PRSS12: variants seen among roughly 807,000 people sequenced by gnomAD.
PRSS12 encodes the protein serine protease 12, also known as neurotrypsin.
Under a neutral mutation model 104.4 loss-of-function variants are expected in PRSS12, and 85 were observed. The observed-to-expected ratio is 0.81, with a 90% confidence interval of 0.68 to 0.98. PRSS12 has a LOEUF of 0.98. Ranked by LOEUF, PRSS12 falls within the 50% of genes least tolerant of loss-of-function variation. PRSS12 has a pLI of 0.00. For missense variants in PRSS12, 1,141 were observed against 1,139.2 expected (o/e 1.00, Z -0.02); for synonymous variants, 454 against 425.2 (o/e 1.07, Z -0.83).
In PRSS12 at chr4:118,280,401, A is replaced by G. The variant is rs1291692361; in HGVS notation, c.*1535T>C. ...GTTTATCAAAATCATGAGTTTTTAC[A>G]AAAGTTTTTAATGCTCTTCTGCATT... On this transcript the variant is annotated 3_prime_UTR_variant, in exon 13 of 13. Coordinates refer to ENST00000296498, the MANE Select transcript of PRSS12 (RefSeq NM_003619.4). 1 of 152,268 alleles carries G rather than the reference A, an allele frequency of 6.6e-6. No homozygotes were observed. The highest frequency in any genetic ancestry group is 6.5e-5 in the Admixed American group (1 of 15,288). 9.4% of individuals were successfully genotyped at this position (152,268 alleles called of 1,614,324 possible). A position where few individuals can be genotyped will look rare whatever the true frequency, so the allele number is the denominator to read the frequency against.
chr4:118,313,212 C>T lies in PRSS12; in HGVS notation c.1478G>A (p.Arg493Lys). Residue 493 changes from arginine (R) to lysine (K), a missense_variant, in exon 7 of 13, where the codon AGG becomes AAG. Arg to Lys is a conservative substitution (Grantham distance 26). Transcript: ENST00000296498. ...CAGCCAGTCCTCACCCAGAGAGAGC[C>T]TGTGTCCCTCGCCGCCAGGGTAGCA... ...IACYPGGEGH[R>K]LSLGFPVRLM... The T allele has an allele frequency of 1.9e-6, 3 of 1,613,396 alleles. No homozygotes were observed. The highest frequency in any genetic ancestry group is 2.5e-6 in the Non-Finnish European group (3 of 1,179,882).
chr4:118,335,245 T>C (rs574567984), intron 3 of PRSS12, among the ~76,000 whole-genome samples: 1 of 152,042 alleles, frequency 6.6e-6, no homozygotes, highest in Non-Finnish European at 1.5e-5. Context: ...GCAAATTATA[T>C]AAAATAGAAA....
At chr4:118,315,874 G>GT in intron 6 of PRSS12, among the ~76,000 whole-genome samples, 1 of 152,306 alleles carries the variant, frequency 6.6e-6, no homozygotes, top group South Asian at 2.1e-4. Flanking sequence ...GTAATGACGT[G>GT]TCAGAATAAA....
At chr4:118,348,762 C>T (rs1724417870) in intron 1 of PRSS12, among the ~76,000 whole-genome samples, 1 of 152,030 alleles carries the variant, frequency 6.6e-6, no homozygotes, top group Non-Finnish European at 1.5e-5. Context: ...AGCGATTCTC[C>T]TGCTTCAGCC....
At chr4:118,351,952 G>A (rs1413167659) in intron 1 of PRSS12, among the ~76,000 whole-genome samples, 1 of 152,038 alleles carries the variant, frequency 6.6e-6, no homozygotes, top group South Asian at 2.1e-4. Context: ...CCAGAGGACA[G>A]AGCAAATTCA....
chr4:118,342,022 T>C (rs968503119), intron 1 of PRSS12, among the ~76,000 whole-genome samples: 2 of 152,152 alleles, frequency 1.3e-5, no homozygotes, highest in Non-Finnish European at 2.9e-5. Flanking sequence ...CTTTACACCG[T>C]GGAACAGGAG....
intron 12 of PRSS12, 139 bp from the exon 13 acceptor site, chr4:118,282,382 G>C: frequency 2.7e-6 from 3 of 1,109,418 alleles, no homozygotes; most frequent in Non-Finnish European, 4.0e-6. Context: ...TGACTAACTG[G>C]TATGTACTAT....
intron 5 of PRSS12, among the ~76,000 whole-genome samples, chr4:118,318,043 GATGA>G (rs777593409): frequency 6.6e-6 from 1 of 152,190 alleles, no homozygotes; most frequent in African/African-American, 2.4e-5. Flanking sequence ...AACGTTAATA[GATGA>G]ATGGACTAAA....
intron 3 of PRSS12, 146 bp downstream of exon 3, chr4:118,335,327 A>G (rs775629556): frequency 2.6e-5 from 23 of 893,246 alleles, no homozygotes; most frequent in Non-Finnish European, 3.5e-5. Flanking sequence ...TTGAAGACTA[A>G]TTAGATGGTA....
intron 4 of PRSS12, among the ~76,000 whole-genome samples, chr4:118,324,766 G>A (rs76938721): frequency 0.12 from 17,607 of 151,978 alleles, 1,498 homozygotes; most frequent in South Asian, 0.2. Context: ...AGGCTGGAGT[G>A]CAGTGGCACA....
intron 1 of PRSS12, among the ~76,000 whole-genome samples, chr4:118,346,702 G>C (rs146377769): frequency 6.6e-6 from 1 of 152,034 alleles, no homozygotes; most frequent in African/African-American, 2.4e-5. Context: ...ACTCCCCATC[G>C]CTCACATTAC....
At chr4:118,315,471 A>C (rs1286384212) in intron 6 of PRSS12, among the ~76,000 whole-genome samples, 1 of 152,160 alleles carries the variant, frequency 6.6e-6, no homozygotes, top group Non-Finnish European at 1.5e-5. Flanking sequence ...AAAATGAAAC[A>C]ATTTTGCCAG....
In PRSS12 at chr4:118,352,395, C is replaced by A; in HGVS notation, c.326G>T (p.Cys109Phe). 6.5e-7 allele frequency: 1 copy of A among 1,543,420 alleles called. No homozygotes were observed. The highest frequency in any genetic ancestry group is 8.7e-7 in the Non-Finnish European group (1 of 1,149,564). ...WVSVTDFGAP[C>F]LRWAEVPPFL... Reference sequence around the variant, plus strand: ...GGGTGGCACCTCCGCCCACCGCAGACACGGGGCGCCGAAGTCCGTCACGCT... The same window carrying A: ...GGGTGGCACCTCCGCCCACCGCAGAAACGGGGCGCCGAAGTCCGTCACGCT... Residue 109 changes from cysteine to phenylalanine, a missense_variant, in exon 1 of 13, where the codon TGT becomes TTT. Physicochemically the swap from Cys to Phe is radical, Grantham distance 205. Transcript: ENST00000296498.
intron 8 of PRSS12, among the ~76,000 whole-genome samples, chr4:118,302,959 A>G (rs1171849594): frequency 1.3e-5 from 2 of 152,220 alleles, no homozygotes; most frequent in Non-Finnish European, 2.9e-5. Context: ...TGAAGACAAT[A>G]AAAAATTAAT....
intron 8 of PRSS12, among the ~76,000 whole-genome samples, chr4:118,299,742 AAAATAAATAAAATAAATAAAATT>A (rs771258718): frequency 2.3e-4 from 20 of 87,474 alleles, no homozygotes; most frequent in African/African-American, 6.3e-4. Flanking sequence ...AAAATAAAAT[AAAATAAATAAAATAAATAAAATT>A]AAATAAAATA....
In PRSS12 at chr4:118,295,837, A is replaced by G; in HGVS notation, c.1857T>C (p.Cys619=). 6.2e-7 allele frequency: 1 copy of G among 1,614,142 alleles called. No individual in the cohort carries two copies. The highest frequency in any genetic ancestry group is 2.2e-5 in the East Asian group (1 of 44,882). The change falls in exon 10 of 13, where the codon TGT becomes TGC. Residue 619 remains cysteine, a synonymous_variant. Coordinates refer to ENST00000296498, the MANE Select transcript of PRSS12 (RefSeq NM_003619.4). ...GCCGACGGTGCAGTAATCTCAAGCC[A>G]CAAACAGATGAGAGGGACTCTGAAG... ...NSNKESLSSV[C]GLRLLHRRQK...
Position 118,352,442 on chromosome 4 carries a change from G to A in PRSS12, c.279C>T (p.Cys93=). The part of the protein sequence containing the change: ...GHTPRPHPWG[C]PAGEPWVSVT... ...CGCTGACCCATGGCTCGCCGGCGGG[G>A]CAGCCCCAGGGGTGCGGCCGGGGCG... Residue 93 remains cysteine (C), a synonymous_variant, in exon 1 of 13, where the codon TGC becomes TGT. Transcript: ENST00000296498. The A allele has an allele frequency of 6.7e-7, 1 of 1,488,898 alleles. No individual in the cohort carries two copies. Among genetic ancestry groups the A allele is most frequent in the Non-Finnish European group, 8.9e-7 (1 of 1,123,012 alleles). The allele number at this position is 1,488,898 out of a possible 1,614,324, so 92.2% of individuals were successfully genotyped here.
intron 6 of PRSS12, 132 bp from the exon 7 acceptor site, chr4:118,313,529 T>C (rs192149220): frequency 5.2e-6 from 5 of 969,328 alleles, no homozygotes; most frequent in Admixed American, 2.0e-5. Context: ...TTCTCCTACC[T>C]TGGGGACGCA....
intron 11 of PRSS12, among the ~76,000 whole-genome samples, chr4:118,286,461 T>A (rs1743017519): frequency 6.6e-6 from 1 of 152,106 alleles, no homozygotes; most frequent in African/African-American, 2.4e-5. Context: ...CCTAGGAGGC[T>A]CCTCCTAATC....
Sources: gnomAD v4.1 joint callset for allele counts (sites outside exome capture counted in the v4.1 genomes callset) on GRCh38, gnomAD v4.1.1 for gene constraint, MANE v1.5 for transcripts, NCBI Gene and HGNC (gene_info 2026-07-23, HGNC 2026-07-21) for gene names.